The following CPED1 variants were observed in gnomAD, a reference collection of about 807,000 sequenced individuals.
CPED1 encodes the protein cadherin like and PC-esterase domain containing 1.
A neutral mutation model predicts 128.2 loss-of-function variants in CPED1; 114 were observed. That is an observed-to-expected ratio of 0.89 (90% CI 0.76 to 1.04). The LOEUF is 1.04. Ranked by LOEUF, CPED1 falls within the 50% of genes least tolerant of loss-of-function variation. The probability of loss-of-function intolerance (pLI) is 0.00; values close to 1 mark genes in which losing one functional copy is unlikely to be tolerated. For missense variants in CPED1, 1,211 were observed against 1,207.1 expected (o/e 1.00, Z -0.05); for synonymous variants, 462 against 426.7 (o/e 1.08, Z -1.02).
chr7:121,143,815 C>T (rs1795959027), intron 16 of CPED1, among the ~76,000 whole-genome samples: 1 of 151,730 alleles, frequency 6.6e-6, no homozygotes, highest in South Asian at 2.1e-4. Context: ...AGCTATACAC[C>T]TAAGATAAAT....
intron 5 of CPED1, among the ~76,000 whole-genome samples, chr7:121,097,408 C>T (rs1049639530): frequency 6.6e-6 from 1 of 152,114 alleles, no homozygotes; most frequent in Non-Finnish European, 1.5e-5. Context: ...GATAGATCAG[C>T]TTGATGTTGG....
intron 16 of CPED1, among the ~76,000 whole-genome samples, chr7:121,203,534 C>T (rs1388845666): frequency 6.6e-6 from 1 of 152,112 alleles, no homozygotes. Flanking sequence ...TCAAAGGCCA[C>T]AGTGGCTCCC....
At chr7:121,238,476 A>C (rs1325614026) in intron 17 of CPED1, among the ~76,000 whole-genome samples, 1 of 152,014 alleles carries the variant, frequency 6.6e-6, no homozygotes, top group Non-Finnish European at 1.5e-5. Flanking sequence ...CCTCTCCGGG[A>C]AGCCTTTTTT....
At chr7:121,184,823 C>T (rs1341282404) in intron 16 of CPED1, among the ~76,000 whole-genome samples, 1 of 152,032 alleles carries the variant, frequency 6.6e-6, no homozygotes, top group Admixed American at 6.6e-5. Flanking sequence ...AATTGAGTGT[C>T]TTTAACAAGG....
intron 3 of CPED1, among the ~76,000 whole-genome samples, chr7:121,019,272 A>G (rs1241105460): frequency 6.6e-6 from 1 of 152,068 alleles, no homozygotes; most frequent in East Asian, 1.9e-4. Context: ...ACGCAAGTTA[A>G]GTTCTCTGAG....
At chr7:121,242,776 C>G (rs1798427349) in intron 17 of CPED1, among the ~76,000 whole-genome samples, 1 of 152,098 alleles carries the variant, frequency 6.6e-6, no homozygotes, top group African/African-American at 2.4e-5. Context: ...ATTTTCTTTC[C>G]TTTCCTGGAG....
intron 4 of CPED1, among the ~76,000 whole-genome samples, chr7:121,047,399 T>C (rs1180675356): frequency 6.6e-6 from 1 of 152,202 alleles, no homozygotes; most frequent in East Asian, 1.9e-4. Context: ...ATTTTAAAAT[T>C]GACATTTAGT....
intron 2 of CPED1, among the ~76,000 whole-genome samples, chr7:121,009,318 T>C (rs1435628866): frequency 6.6e-6 from 1 of 152,104 alleles, no homozygotes; most frequent in Non-Finnish European, 1.5e-5. Context: ...CAGTAGAAAG[T>C]TCAGGCTGGC....
At chr7:121,233,214 T>G (rs1275604886) in intron 16 of CPED1, among the ~76,000 whole-genome samples, 1 of 152,110 alleles carries the variant, frequency 6.6e-6, no homozygotes, top group African/African-American at 2.4e-5. Flanking sequence ...TGCACTCAAT[T>G]GAGAACTATG....
chr7:121,070,981 G>A (rs1793974802), intron 5 of CPED1, among the ~76,000 whole-genome samples: 1 of 152,088 alleles, frequency 6.6e-6, no homozygotes, highest in African/African-American at 2.4e-5. Context: ...ATCTAGAATA[G>A]GAACAACAAG....
Position 121,172,638 on chromosome 7 carries a change from G to C in CPED1, c.2055+30497G>C, listed in dbSNP as rs891382964. Among the ~76,000 whole-genome samples, 9 of 138,674 alleles carry C rather than the reference G, an allele frequency of 6.5e-5. No individual in the cohort carries two copies. The East Asian group carries it at 2.1e-3, about 33-fold the overall frequency. 91.0% of individuals were successfully genotyped at this position (138,674 alleles called of 152,430 possible). A position where few individuals can be genotyped will look rare whatever the true frequency, so the allele number is the denominator to read the frequency against. On this transcript the variant is annotated intron_variant, in intron 16 of 22. Transcript: ENST00000310396. ...AATGAATGGAGGAATGGTTGGGTGGGTGGGTGGTTGGATGGATGGATACAT... is the reference window on the plus strand; with the variant it reads ...AATGAATGGAGGAATGGTTGGGTGGCTGGGTGGTTGGATGGATGGATACAT...
In CPED1 at chr7:120,988,755, ATGTGTC is replaced by A. The variant is rs1321702045; in HGVS notation, c.-383_-378del. 1 of 151,852 alleles carries A rather than the reference ATGTGTC, an allele frequency of 6.6e-6. No individual in the cohort carries two copies. Among genetic ancestry groups the A allele is most frequent in the Non-Finnish European group, 1.5e-5 (1 of 68,050 alleles). 9.4% of individuals were successfully genotyped at this position (151,852 alleles called of 1,614,324 possible). A position where few individuals can be genotyped will look rare whatever the true frequency, so the allele number is the denominator to read the frequency against. On this transcript the variant is annotated 5_prime_UTR_variant, in exon 1 of 23. Coordinates refer to ENST00000310396, the MANE Select transcript of CPED1 (RefSeq NM_024913.5). ...GCAGCGGGCGCGCGCGCGTGTGTTT[ATGTGTC>A]TGTGTGCGTGTGTGTGTGTGTCTCT...
intron 16 of CPED1, among the ~76,000 whole-genome samples, chr7:121,154,746 A>G (rs547961492): frequency 1.3e-5 from 2 of 152,162 alleles, no homozygotes; most frequent in South Asian, 2.1e-4. Flanking sequence ...GGGTTTCACC[A>G]TGTTGGCCAG....
At chr7:121,097,928 T>C (rs1794740944) in intron 6 of CPED1, 97 bp downstream of exon 6, 1 of 1,210,688 alleles carries the variant, frequency 8.3e-7, no homozygotes, top group Non-Finnish European at 1.1e-6. Flanking sequence ...TTCACATGTG[T>C]GAATTATTAG....
At chr7:121,069,986 T>C (rs1000908528) in intron 5 of CPED1, among the ~76,000 whole-genome samples, 2 of 152,086 alleles carry the variant, frequency 1.3e-5, no homozygotes, top group Admixed American at 6.6e-5. Context: ...GCTTGAAATA[T>C]ACCAGGACTT....
intron 3 of CPED1, among the ~76,000 whole-genome samples, chr7:121,031,652 C>T (rs1333326369): frequency 6.6e-6 from 1 of 152,284 alleles, no homozygotes; most frequent in African/African-American, 2.4e-5. Context: ...AGTGCTGATA[C>T]CCTATGTGTC....
chr7:121,009,938 A>G (rs921983920), intron 2 of CPED1, among the ~76,000 whole-genome samples: 2 of 152,186 alleles, frequency 1.3e-5, no homozygotes, highest in African/African-American at 4.8e-5. Context: ...AAGGGCATGC[A>G]TGTATTTATA....
At position 121,136,045 on chromosome 7, in the gene CPED1, G is replaced by T. The variant is rs190543052; in HGVS notation, c.1654G>T (p.Val552Phe). 970 of 1,514,812 alleles carry T rather than the reference G, an allele frequency of 6.4e-4. 10 individuals carry two copies. The East Asian group carries it at 0.024, about 37-fold the overall frequency. 93.8% of individuals were successfully genotyped at this position (1,514,812 alleles called of 1,614,324 possible). The change falls in exon 14 of 23, where the codon GTT (valine) becomes TTT (phenylalanine). Residue 552 changes from valine to phenylalanine, a missense_variant. Physicochemically the swap from Val to Phe is conservative, Grantham distance 50. Coordinates refer to ENST00000310396, the MANE Select transcript of CPED1 (RefSeq NM_024913.5). The part of the protein sequence containing the change: ...FDAIENKKAA[V>F]PQIKNENKEI... ...ACATTTCTTTTTTTTTTTAGCTGCA[G>T]TTCCACAAATTAAAAATGAAAATAA...
intron 22 of CPED1, among the ~76,000 whole-genome samples, chr7:121,287,017 T>G (rs1792592598): frequency 1.3e-5 from 2 of 152,118 alleles, no homozygotes; most frequent in African/African-American, 4.8e-5. Context: ...ATGAAATTAT[T>G]AAATCCCATG....
Sources: allele counts gnomAD v4.1 joint callset (sites outside exome capture counted in the v4.1 genomes callset), GRCh38; gene constraint gnomAD v4.1.1; transcripts MANE v1.5; gene names NCBI Gene and HGNC (gene_info 2026-07-23, HGNC 2026-07-21).